PUDP: variants seen among roughly 807,000 people sequenced by gnomAD.
The protein encoded by PUDP is pseudouridine 5'-phosphatase.
In PUDP, 8 loss-of-function variants were observed where a neutral mutation model predicts 9.4. That is an observed-to-expected ratio of 0.85 (90% confidence interval 0.50 to 1.53). PUDP has a LOEUF of 1.53. Among genes scored for constraint, PUDP ranks in the 40% most tolerant of loss-of-function variants. PUDP has a pLI of 0.00. For synonymous variants in PUDP, 99 were observed against 80.7 expected (o/e 1.23, Z -1.22); for missense variants, 188 against 189.7 (o/e 0.99, Z 0.05).
At chrX:6,815,123 GA>G (rs201611697) in intron 3 of PUDP, among the ~76,000 whole-genome samples, 3,158 of 103,133 alleles carry the variant, frequency 0.031, 121 homozygotes, top group African/African-American at 0.11. Context: ...ATGCTTGGGG[GA>G]AAAATCAGAT....
At chrX:7,107,253 G>C (rs1204253552) in intron 1 of PUDP, among the ~76,000 whole-genome samples, 1 of 112,036 alleles carries the variant, frequency 8.9e-6, no homozygotes, top group African/African-American at 3.2e-5. Context: ...GAAAAGAGCA[G>C]GCGATCTCAA....
intron 3 of PUDP, among the ~76,000 whole-genome samples, chrX:7,065,214 C>T (rs935324017): frequency 8.1e-5 from 9 of 111,737 alleles, no homozygotes; most frequent in African/African-American, 2.9e-4. Context: ...TCTCATTAGC[C>T]ACTTCTTCTG....
intron 3 of PUDP, among the ~76,000 whole-genome samples, chrX:6,854,423 T>C (rs773675698): frequency 3.1e-4 from 35 of 112,086 alleles, no homozygotes; most frequent in Middle Eastern, 9.3e-3. Context: ...AATTTCAAAA[T>C]TGAAATCCAC....
intron 3 of PUDP, among the ~76,000 whole-genome samples, chrX:6,966,983 TA>T (rs1231842789): frequency 9.0e-6 from 1 of 111,239 alleles, no homozygotes; most frequent in African/African-American, 3.3e-5. Flanking sequence ...TGGAGGAAGG[TA>T]AGGGAAGTGC....
intron 3 of PUDP, among the ~76,000 whole-genome samples, chrX:6,869,600 C>T (rs1927142320): frequency 9.0e-6 from 1 of 111,287 alleles, no homozygotes; most frequent in African/African-American, 3.3e-5. Context: ...CTCCTTTGGC[C>T]TTTTACAATC....
chrX:6,755,794 C>T (rs114710989), intron 3 of PUDP, among the ~76,000 whole-genome samples: 1,689 of 109,278 alleles, frequency 0.015, 35 homozygotes, highest in African/African-American at 0.053. Flanking sequence ...ATTTGTGCAC[C>T]GAATATCTGG....
At chrX:6,948,839 C>T (rs1047012204) in intron 3 of PUDP, among the ~76,000 whole-genome samples, 9 of 111,565 alleles carry the variant, frequency 8.1e-5, no homozygotes, top group Non-Finnish European at 1.5e-4. Flanking sequence ...TTCAATCTAG[C>T]GTCTGTGGAG....
chrX:7,141,002 A>G (rs1260060122), intron 1 of PUDP, among the ~76,000 whole-genome samples: 9 of 111,321 alleles, frequency 8.1e-5, no homozygotes, highest in African/African-American at 2.9e-4. Flanking sequence ...TAAGGGATAA[A>G]TGTTGTGTGT....
At chrX:7,082,342 C>G (rs1418466207) in intron 2 of PUDP, among the ~76,000 whole-genome samples, 1 of 112,555 alleles carries the variant, frequency 8.9e-6, no homozygotes, top group Non-Finnish European at 1.9e-5. Flanking sequence ...AGACAGGCAG[C>G]TGCCGCGCGG....
intron 3 of PUDP, among the ~76,000 whole-genome samples, chrX:6,844,305 T>C (rs958614406): frequency 8.8e-6 from 1 of 113,042 alleles, no homozygotes; most frequent in Non-Finnish European, 1.9e-5. Context: ...CTATGCAACA[T>C]ATAACATATT....
chrX:6,917,655 G>A (rs1927956677), intron 3 of PUDP, among the ~76,000 whole-genome samples: 1 of 112,094 alleles, frequency 8.9e-6, no homozygotes, highest in South Asian at 3.7e-4. Flanking sequence ...CAGATGTAAT[G>A]CATAATGCCT....
At chrX:6,771,789 G>A in intron 3 of PUDP, among the ~76,000 whole-genome samples, 1 of 112,537 alleles carries the variant, frequency 8.9e-6, no homozygotes, top group Non-Finnish European at 1.9e-5. Context: ...GGCCTTTCTG[G>A]TCTCTGTTGC....
chrX:6,960,586 A>G (rs1928692878), intron 3 of PUDP, among the ~76,000 whole-genome samples: 2 of 111,965 alleles, frequency 1.8e-5, no homozygotes, highest in African/African-American at 6.5e-5. Flanking sequence ...AATTATTGAG[A>G]CTCCAGTATT....
intron 3 of PUDP, among the ~76,000 whole-genome samples, chrX:6,945,754 C>T (rs932157400): frequency 1.8e-5 from 2 of 110,739 alleles, no homozygotes; most frequent in Admixed American, 9.7e-5. Context: ...TAAAGTTGTG[C>T]ACACACTTGG....
intron 1 of PUDP, among the ~76,000 whole-genome samples, chrX:6,983,974 T>C (rs1360822371): frequency 2.7e-5 from 3 of 112,571 alleles, no homozygotes; most frequent in Non-Finnish European, 5.6e-5. Context: ...GAGTGTACTT[T>C]CGTTTTCAAT....
chrX:7,031,627 C>G (rs904614436), intron 1 of PUDP, among the ~76,000 whole-genome samples: 6 of 112,212 alleles, frequency 5.3e-5, no homozygotes, highest in African/African-American at 1.6e-4. Context: ...AACAAACAAA[C>G]AAACAAACTG....
chrX:7,072,919 C>T (rs1223959077), intron 3 of PUDP, among the ~76,000 whole-genome samples: 1 of 110,760 alleles, frequency 9.0e-6, no homozygotes, highest in African/African-American at 3.3e-5. Context: ...TTTTGTTTCA[C>T]AACAATGATG....
intron 1 of PUDP, among the ~76,000 whole-genome samples, chrX:7,039,153 A>G (rs1470763920): frequency 9.1e-6 from 1 of 110,463 alleles, no homozygotes; most frequent in African/African-American, 3.3e-5. Context: ...CTGACCTTAA[A>G]CTTTTCAGCT....
At chrX:6,745,206 T>C (rs1214242541) in intron 3 of PUDP, among the ~76,000 whole-genome samples, 1 of 111,935 alleles carries the variant, frequency 8.9e-6, no homozygotes, top group Non-Finnish European at 1.9e-5. Flanking sequence ...ACCATGCAGC[T>C]GCGCACTAAC....
Sources: gnomAD v4.1 joint callset for allele counts (sites outside exome capture counted in the v4.1 genomes callset) on GRCh38, gnomAD v4.1.1 for gene constraint, MANE v1.5 for transcripts, NCBI Gene and HGNC (gene_info 2026-07-23, HGNC 2026-07-21) for gene names.